The following MYOCD variants were observed in gnomAD, a reference collection of about 807,000 sequenced individuals.
The protein encoded by MYOCD is myocardin.
MYOCD carries 32 observed loss-of-function variants against 96.1 expected under a neutral mutation model. That is an observed-to-expected ratio of 0.33 (90% CI 0.25 to 0.45). The LOEUF is 0.45. MYOCD is among the 20% of genes least tolerant of loss of function. MYOCD has a pLI of 1.00. For missense variants in MYOCD, 1,133 were observed against 1,200.6 expected, an observed-to-expected ratio of 0.94 and a Z score of 0.83; for synonymous variants, 469 against 469.0, an observed-to-expected ratio of 1.00 and a Z score of 0.00.
chr17:12,743,486 CTTTTT>C (rs373893604), intron 7 of MYOCD, among the ~76,000 whole-genome samples: 61 of 98,308 alleles, frequency 6.2e-4, no homozygotes, highest in Admixed American at 6.3e-4. Flanking sequence ...TATGAAAGTT[CTTTTT>C]TTTTTTTTTT....
chr17:12,697,966 C>T (rs1224772373), intron 1 of MYOCD, among the ~76,000 whole-genome samples: 2 of 152,036 alleles, frequency 1.3e-5, no homozygotes, highest in African/African-American at 4.8e-5. Context: ...TACCAAATTC[C>T]GTATGCAGGG....
At chr17:12,670,399 G>T (rs8065821) in intron 1 of MYOCD, among the ~76,000 whole-genome samples, 1 of 152,150 alleles carries the variant, frequency 6.6e-6, no homozygotes, top group Admixed American at 6.5e-5. Context: ...CTAAAAGGAC[G>T]ACTGATTCCT....
In MYOCD at chr17:12,716,367, G is replaced by A. The variant is rs546080081; in HGVS notation, c.177+793G>A. On this transcript the variant is annotated intron_variant, in intron 3 of 13. Transcript: ENST00000425538. ...GAGTGATTCCCAGACCCCTCTCAGG[G>A]GGCCACTGGGAGATCCACTGTAGTG... is the stretch of plus-strand genomic sequence containing the variant. Among the ~76,000 whole-genome samples, 18 of 152,188 alleles carry A rather than the reference G, an allele frequency of 1.2e-4. 1 individual carries two copies. The highest frequency in any genetic ancestry group is 4.2e-4 in the South Asian group (2 of 4,814).
At chr17:12,693,655 A>C (rs1394103674) in intron 1 of MYOCD, among the ~76,000 whole-genome samples, 1 of 149,242 alleles carries the variant, frequency 6.7e-6, no homozygotes, top group Non-Finnish European at 1.5e-5. Context: ...AAATAAAATA[A>C]AATAAAATAA....
intron 1 of MYOCD, among the ~76,000 whole-genome samples, chr17:12,668,658 C>G (rs1483875354): frequency 6.6e-6 from 1 of 151,924 alleles, no homozygotes; most frequent in Non-Finnish European, 1.5e-5. Flanking sequence ...GTGCGTGGGT[C>G]TCGGGGGCCA....
At chr17:12,701,870 A>T (rs1442032452) in intron 1 of MYOCD, among the ~76,000 whole-genome samples, 1 of 152,088 alleles carries the variant, frequency 6.6e-6, no homozygotes, top group East Asian at 1.9e-4. Context: ...TTAATAGTAT[A>T]TTGCTTTTGA....
intron 5 of MYOCD, among the ~76,000 whole-genome samples, chr17:12,734,664 C>A (rs536818569): frequency 6.6e-6 from 1 of 151,986 alleles, no homozygotes; most frequent in African/African-American, 2.4e-5. Context: ...GTGCTCGCCA[C>A]CATGTCTGGC....
chr17:12,757,205 CA>C (rs963302858), intron 11 of MYOCD, among the ~76,000 whole-genome samples: 3 of 152,014 alleles, frequency 2.0e-5, no homozygotes, highest in African/African-American at 7.3e-5. Flanking sequence ...TGGAAGAAGT[CA>C]GGGGTATGAA....
At position 12,753,103 on chromosome 17, in the gene MYOCD, A is replaced by G; in HGVS notation, c.1815A>G (p.Gln605=). The G allele has an allele frequency of 1.2e-6, 2 of 1,614,074 alleles. No homozygotes were observed. ...ACCCACCGGCTTGTGAAGCTGCTCA[A>G]CTCCAGCCTCTTGGAAATGCTCATT... ...ECHPPACEAA[Q]LQPLGNAHCV... The change falls in exon 10 of 14, where the codon CAA becomes CAG. Residue 605 remains glutamine (Q), a synonymous_variant. Coordinates refer to ENST00000425538, the MANE Select transcript of MYOCD (RefSeq NM_001146312.3).
chr17:12,681,067 C>T (rs1423665075), intron 1 of MYOCD, among the ~76,000 whole-genome samples: 1 of 152,224 alleles, frequency 6.6e-6, no homozygotes, highest in South Asian at 2.1e-4. Context: ...AAGGAGCTAT[C>T]TCAAAATCCC....
chr17:12,732,665 T>C (rs7224559), intron 5 of MYOCD, among the ~76,000 whole-genome samples: 150,786 of 152,320 alleles, frequency 0.99, 74,651 homozygotes, highest in East Asian at 1. Flanking sequence ...AACGCAACAA[T>C]TTAGGAATGC....
intron 9 of MYOCD, among the ~76,000 whole-genome samples, chr17:12,746,314 T>C (rs529644267): frequency 1.3e-5 from 2 of 152,270 alleles, no homozygotes; most frequent in African/African-American, 4.8e-5. Flanking sequence ...AAGGAATTTA[T>C]TTCTCACAGT....
At position 12,728,041 on chromosome 17, in the gene MYOCD, G is replaced by A. The variant is rs527842362; in HGVS notation, c.415+5033G>A. Among the ~76,000 whole-genome samples, 6 of 152,208 alleles carry A rather than the reference G, an allele frequency of 3.9e-5. No homozygotes were observed. The East Asian group carries it at 7.7e-4, about 20-fold the overall frequency. ...GAGCATGCACCTCATTGCCTATTTC[G>A]CCTTCGTAGAAAACCGCTTATCAGG... On this transcript the variant is annotated intron_variant, in intron 5 of 13. Transcript: ENST00000425538.
chr17:12,726,879 CT>C (rs376020814), intron 5 of MYOCD, among the ~76,000 whole-genome samples: 2 of 152,196 alleles, frequency 1.3e-5, no homozygotes, highest in African/African-American at 4.8e-5. Flanking sequence ...AAGAGTAGTT[CT>C]TTGAGTTTTT....
Position 12,753,185 on chromosome 17 carries a change from T to A in MYOCD, c.1897T>A (p.Cys633Ser), listed in dbSNP as rs1297400175. 2 of 1,614,038 alleles carry A rather than the reference T, an allele frequency of 1.2e-6. No individual in the cohort carries two copies. Among genetic ancestry groups the A allele is most frequent in the African/African-American group, 2.7e-5 (2 of 74,922 alleles). The change falls in exon 10 of 14, where the codon TGT (cysteine) becomes AGT (serine). Residue 633 changes from cysteine (C) to serine (S), a missense_variant. Cys to Ser is a moderately radical substitution (Grantham distance 112). Coordinates refer to ENST00000425538, the MANE Select transcript of MYOCD (RefSeq NM_001146312.3). ...TTCTTCCACATTTCTCAGCCCCCAG[T>A]GTTCCCCTCAGCATTCACCGCTGGG... ...VLSSTFLSPQ[C>S]SPQHSPLGAV... is the part of the protein sequence containing the mutation.
chr17:12,731,637 GA>G (rs2032174091), intron 5 of MYOCD, among the ~76,000 whole-genome samples: 1 of 152,116 alleles, frequency 6.6e-6, no homozygotes, highest in African/African-American at 2.4e-5. Context: ...CTATTATGAT[GA>G]TGATTCCCAT....
chr17:12,679,892 AG>A (rs1449165639), intron 1 of MYOCD, among the ~76,000 whole-genome samples: 1 of 152,238 alleles, frequency 6.6e-6, no homozygotes, highest in Non-Finnish European at 1.5e-5. Context: ...ATGAATCAGA[AG>A]AAAAAAGGCA....
chr17:12,686,900 C>T (rs193119958), intron 1 of MYOCD, among the ~76,000 whole-genome samples: 1 of 152,248 alleles, frequency 6.6e-6, no homozygotes, highest in East Asian at 1.9e-4. Context: ...AAGAAAGCTT[C>T]GAAGGACCCA....
At chr17:12,666,827 C>T (rs1437555738) in intron 1 of MYOCD, among the ~76,000 whole-genome samples, 2 of 152,106 alleles carry the variant, frequency 1.3e-5, no homozygotes, top group African/African-American at 2.4e-5. Flanking sequence ...TAGAGAATTT[C>T]CCCCAAAATT....
Sources: allele counts gnomAD v4.1 joint callset (sites outside exome capture counted in the v4.1 genomes callset), GRCh38; gene constraint gnomAD v4.1.1; transcripts MANE v1.5; gene names NCBI Gene and HGNC (gene_info 2026-07-23, HGNC 2026-07-21).